The following CDC14B variants were observed in gnomAD, a reference collection of about 807,000 sequenced individuals.
CDC14B encodes the protein dual specificity protein phosphatase CDC14B.
In CDC14B, 22 loss-of-function variants were observed where a neutral mutation model predicts 64.2. That is an observed-to-expected ratio of 0.34 (90% CI 0.24 to 0.49). The LOEUF (loss-of-function observed/expected upper bound fraction) is 0.49. CDC14B is among the 20% of genes least tolerant of loss of function. CDC14B has a pLI of 0.99. For missense variants in CDC14B, 498 were observed against 629.9 expected, an observed-to-expected ratio of 0.79 and a Z score of 2.24; for synonymous variants, 191 against 215.8, an observed-to-expected ratio of 0.89 and a Z score of 1.01.
chr9:96,523,946 A>T (rs1837173860), intron 9 of CDC14B, among the ~76,000 whole-genome samples: 1 of 152,064 alleles, frequency 6.6e-6, no homozygotes, highest in African/African-American at 2.4e-5. Context: ...TTATCTATTT[A>T]TTTTTGAGAC....
chr9:96,531,997 T>C (rs1374412802), intron 9 of CDC14B, among the ~76,000 whole-genome samples: 2 of 152,210 alleles, frequency 1.3e-5, no homozygotes, highest in Non-Finnish European at 2.9e-5. Flanking sequence ...CTGGCGATGT[T>C]ATTATATCCA....
chr9:96,513,411 G>A (rs1327119478), intron 12 of CDC14B, among the ~76,000 whole-genome samples: 3 of 152,150 alleles, frequency 2.0e-5, no homozygotes, highest in East Asian at 1.9e-4. Flanking sequence ...GGGCACTCGC[G>A]GCCTTCTGCC....
intron 1 of CDC14B, among the ~76,000 whole-genome samples, chr9:96,580,343 T>TGCCTCA (rs1441830461): frequency 4.6e-5 from 7 of 151,950 alleles, no homozygotes. Context: ...GCGATTCTCC[T>TGCCTCA]GCCTCAGCCT....
intron 13 of CDC14B, among the ~76,000 whole-genome samples, chr9:96,493,888 T>C (rs1020937078): frequency 3.3e-5 from 5 of 152,188 alleles, no homozygotes; most frequent in African/African-American, 1.2e-4. Flanking sequence ...ACGTGGACCA[T>C]GCTGATCACC....
intron 13 of CDC14B, among the ~76,000 whole-genome samples, chr9:96,494,024 C>G (rs1446441284): frequency 6.6e-6 from 1 of 152,220 alleles, no homozygotes; most frequent in Non-Finnish European, 1.5e-5. Flanking sequence ...ACCCGCTTTC[C>G]CCCTGCACCT....
chr9:96,602,396 A>G (rs935981606), intron 1 of CDC14B, among the ~76,000 whole-genome samples: 4 of 152,140 alleles, frequency 2.6e-5, no homozygotes, highest in Admixed American at 6.6e-5. Flanking sequence ...CTTATTTTTT[A>G]TTACCACATA....
At chr9:96,507,573 A>C (rs1176479035) in intron 13 of CDC14B, among the ~76,000 whole-genome samples, 1 of 151,888 alleles carries the variant, frequency 6.6e-6, no homozygotes, top group Non-Finnish European at 1.5e-5. Context: ...CCGCCACTGC[A>C]CCCAGCTAAT....
At chr9:96,579,715 C>A (rs1220457977) in intron 1 of CDC14B, among the ~76,000 whole-genome samples, 4 of 152,140 alleles carry the variant, frequency 2.6e-5, no homozygotes, top group Admixed American at 2.0e-4. Flanking sequence ...GAAGCCAACC[C>A]CGCTGGCTCC....
At chr9:96,507,667 G>A (rs932580821) in intron 13 of CDC14B, among the ~76,000 whole-genome samples, 2 of 151,960 alleles carry the variant, frequency 1.3e-5, no homozygotes, top group African/African-American at 4.8e-5. Flanking sequence ...ACCTGCCTCG[G>A]CCTCCCAAAG....
intron 12 of CDC14B, among the ~76,000 whole-genome samples, chr9:96,518,581 C>T (rs2131456741): frequency 6.6e-6 from 1 of 152,056 alleles, no homozygotes; most frequent in South Asian, 2.1e-4. Context: ...AGGGTGAACT[C>T]GAAATACAGC....
chr9:96,610,948 A>C (rs1847275522), intron 1 of CDC14B, among the ~76,000 whole-genome samples: 1 of 152,200 alleles, frequency 6.6e-6, no homozygotes, highest in Non-Finnish European at 1.5e-5. Context: ...GCTACCTAAG[A>C]TTAAGACCAG....
chr9:96,519,508 G>A (rs1230535880), intron 12 of CDC14B, among the ~76,000 whole-genome samples: 1 of 151,944 alleles, frequency 6.6e-6, no homozygotes, highest in Admixed American at 6.6e-5. Flanking sequence ...GGCTGAGGTG[G>A]GTGTACCACT....
rs1844764072 is a variant in CDC14B, at chr9:96,575,760, G to A, written c.161-10277C>T. Among the ~76,000 whole-genome samples the A allele has an allele frequency of 1.3e-5, 2 of 152,150 alleles. 1 individual carries two copies. The highest frequency in any genetic ancestry group is 4.1e-4 in the South Asian group (2 of 4,834). ...AGCATTTTGGGAGGCTAAGGCAAGA[G>A]GATCCCCTGAATGCAGGAGTTCAAG... On this transcript the variant is annotated intron_variant, in intron 1 of 13. Coordinates refer to ENST00000375241, the MANE Select transcript of CDC14B (RefSeq NM_033331.4).
At chr9:96,530,875 G>A (rs1394823419) in intron 9 of CDC14B, among the ~76,000 whole-genome samples, 1 of 152,032 alleles carries the variant, frequency 6.6e-6, no homozygotes, top group East Asian at 1.9e-4. Flanking sequence ...ATCACAAAAG[G>A]GTAATGACTT....
At chr9:96,537,636 C>T (rs10115771) in intron 7 of CDC14B, among the ~76,000 whole-genome samples, 1 of 152,208 alleles carries the variant, frequency 6.6e-6, no homozygotes, top group East Asian at 1.9e-4. Context: ...AACTTCAAGT[C>T]CAATTTCTGA....
At chr9:96,565,581 T>C in intron 1 of CDC14B, 98 bp from the exon 2 acceptor site, 1 of 827,618 alleles carries the variant, frequency 1.2e-6, no homozygotes, top group Non-Finnish European at 2.1e-6. Context: ...ATTTTTCATT[T>C]TTTTCATGCA....
chr9:96,557,429 C>T (rs932355184), intron 4 of CDC14B, among the ~76,000 whole-genome samples: 1 of 152,226 alleles, frequency 6.6e-6, no homozygotes, highest in Non-Finnish European at 1.5e-5. Context: ...TTACCCACTG[C>T]GTCTAGATCC....
chr9:96,572,249 G>A (rs1844522801), intron 1 of CDC14B, among the ~76,000 whole-genome samples: 1 of 152,134 alleles, frequency 6.6e-6, no homozygotes, highest in South Asian at 2.1e-4. Context: ...GAGTTTCCCC[G>A]ATTCCTCCAG....
intron 9 of CDC14B, among the ~76,000 whole-genome samples, chr9:96,524,120 T>C (rs745602690): frequency 1.3e-5 from 2 of 152,198 alleles, no homozygotes; most frequent in Admixed American, 6.5e-5. Flanking sequence ...GTATTTTCAG[T>C]AGAGACGGGG....
Sources: gnomAD v4.1 joint callset for allele counts (sites outside exome capture counted in the v4.1 genomes callset) on GRCh38, gnomAD v4.1.1 for gene constraint, MANE v1.5 for transcripts, NCBI Gene and HGNC (gene_info 2026-07-23, HGNC 2026-07-21) for gene names.